The following EPN2 variants were observed in gnomAD, a reference collection of about 807,000 sequenced individuals.
EPN2 encodes the protein epsin-2.
A neutral mutation model predicts 61.7 loss-of-function variants in EPN2; 34 were observed. The ratio of observed to expected loss-of-function variants is 0.55; its 90% CI spans 0.42 to 0.73. EPN2 has a LOEUF of 0.73. Among genes scored for constraint, EPN2 ranks in the 30% least tolerant of loss-of-function variants. The probability of loss-of-function intolerance (pLI) is 0.00; values close to 1 mark genes in which losing one functional copy is unlikely to be tolerated. For missense variants in EPN2, 714 were observed against 839.2 expected (o/e 0.85, Z 1.84); for synonymous variants, 349 against 353.6 (o/e 0.99, Z 0.15).
At chr17:19,265,428 G>A (rs2045186163) in intron 1 of EPN2, among the ~76,000 whole-genome samples, 1 of 151,394 alleles carries the variant, frequency 6.6e-6, no homozygotes, top group Non-Finnish European at 1.5e-5. Flanking sequence ...CTCACACAAA[G>A]GTGTCTGAAC....
At chr17:19,275,543 A>T (rs761185166) in intron 1 of EPN2, among the ~76,000 whole-genome samples, 1 of 152,130 alleles carries the variant, frequency 6.6e-6, no homozygotes, top group Non-Finnish European at 1.5e-5. Flanking sequence ...GTTTCCCAGA[A>T]GTTTTAGGAA....
intron 1 of EPN2, among the ~76,000 whole-genome samples, chr17:19,238,122 G>GC (rs1375184366): frequency 2.0e-5 from 3 of 152,158 alleles, no homozygotes; most frequent in Non-Finnish European, 4.4e-5. Context: ...CCACTCCCCA[G>GC]CCCCCACTCC....
Position 19,334,355 on chromosome 17 carries a change from T to C in EPN2, c.*101T>C, listed in dbSNP as rs2152242184. On this transcript the variant is annotated 3_prime_UTR_variant, in exon 11 of 11. Transcript: ENST00000314728. The surrounding 1 kb of genome is among the most constrained non-coding windows in gnomAD (Gnocchi z 4.9). ...TCCAAGAGTTTGGGGATTAGGGGTA[T>C]TAGGGCTTTTCAGCTCCAGCTTCCT... is the stretch of plus-strand genomic sequence containing the variant. 2.0e-6 allele frequency: 2 copies of C among 993,424 alleles called. No individual in the cohort carries two copies. The highest frequency in any genetic ancestry group is 6.3e-5 in the East Asian group (2 of 31,806). 61.5% of individuals were successfully genotyped at this position (993,424 alleles called of 1,614,324 possible).
At chr17:19,295,376 G>GCGCGCGCGCA (rs1235173958) in intron 4 of EPN2, among the ~76,000 whole-genome samples, 1 of 151,236 alleles carries the variant, frequency 6.6e-6, no homozygotes, top group African/African-American at 2.4e-5. Context: ...ACGCGCGTGC[G>GCGCGCGCGCA]CGCAAAATAG....
chr17:19,281,626 G>T (rs528552056), intron 1 of EPN2, among the ~76,000 whole-genome samples: 1 of 152,116 alleles, frequency 6.6e-6, no homozygotes, highest in African/African-American at 2.4e-5. Context: ...AAAGGGAGGC[G>T]CAGGTTCTGG....
chr17:19,322,939 T>A (rs1034809069), intron 7 of EPN2, among the ~76,000 whole-genome samples: 2 of 152,262 alleles, frequency 1.3e-5, no homozygotes, highest in African/African-American at 2.4e-5. Context: ...AGAGAAGCAT[T>A]TGTAGAATTC....
At chr17:19,303,245 C>T (rs1905624590) in intron 4 of EPN2, among the ~76,000 whole-genome samples, 1 of 152,226 alleles carries the variant, frequency 6.6e-6, no homozygotes, top group African/African-American at 2.4e-5. Context: ...GTCACACACA[C>T]AGTCACACAC....
chr17:19,237,948 C>T (rs1017272644), intron 1 of EPN2, among the ~76,000 whole-genome samples: 7 of 152,228 alleles, frequency 4.6e-5, no homozygotes, highest in Non-Finnish European at 7.3e-5. Flanking sequence ...GCGCCCCTTC[C>T]TCCTGAGCCC....
intron 1 of EPN2, among the ~76,000 whole-genome samples, chr17:19,245,419 C>CTT (rs57599278): frequency 1.5e-5 from 2 of 134,442 alleles, no homozygotes; most frequent in Non-Finnish European, 1.6e-5. Context: ...ATTTGGTAGT[C>CTT]TTTTTTTTTT....
At chr17:19,266,495 C>T (rs1456035898) in intron 1 of EPN2, among the ~76,000 whole-genome samples, 6 of 151,984 alleles carry the variant, frequency 3.9e-5, no homozygotes, top group Admixed American at 2.0e-4. Context: ...CTCCGCCTCC[C>T]GGGTTCGTGC....
At chr17:19,300,425 A>ATTTT (rs1905426164) in intron 4 of EPN2, among the ~76,000 whole-genome samples, 1 of 70,008 alleles carries the variant, frequency 1.4e-5, no homozygotes, top group South Asian at 4.7e-4. Context: ...TAAACTGTAA[A>ATTTT]TCTTTTTTTT....
intron 1 of EPN2, among the ~76,000 whole-genome samples, chr17:19,254,796 A>G (rs555582303): frequency 6.6e-6 from 1 of 151,972 alleles, no homozygotes; most frequent in Non-Finnish European, 1.5e-5. Flanking sequence ...ACAGGGACAG[A>G]CTTCTGTTTT....
rs749010961 is a variant in EPN2 at position 19,285,707 on chromosome 17, C to T, written c.683C>T (p.Pro228Leu). ...EELQPLSQRH[P>L]FLPHLGLASR... ...CTGCAGCCACTGAGCCAGCGCCACC[C>T]CTTCCTGCCGCACCTGGGGCTGGCC... Residue 228 changes from proline (P) to leucine (L), a missense_variant, in exon 4 of 11, where the codon CCC becomes CTC. Transcript: ENST00000314728. This position sits in a 1 kb window ranked among gnomAD's most constrained non-coding sequence, Gnocchi z 4.5. 6.2e-7 allele frequency: 1 copy of T among 1,602,262 alleles called. No individual in the cohort carries two copies. Among genetic ancestry groups the T allele is most frequent in the Non-Finnish European group, 8.5e-7 (1 of 1,175,748 alleles).
rs1379528612 is a variant in EPN2, at chr17:19,331,947, C to A, written c.1506C>A (p.Pro502=). The change falls in exon 10 of 11, where the codon CCC becomes CCA. Residue 502 remains proline, a synonymous_variant. Coordinates refer to ENST00000314728, the MANE Select transcript of EPN2 (RefSeq NM_014964.5). ...CCCTGACTGTCGCCTCAAGCAAGCCCAGCAGTGCCCGGAAAACACCTGAGT... is the reference window on the plus strand; with the variant it reads ...CCCTGACTGTCGCCTCAAGCAAGCCAAGCAGTGCCCGGAAAACACCTGAGT... ...SQPLTVASSK[P]SSARKTPESF... is the part of the protein sequence containing the mutation. 5 of 1,614,218 alleles carry A rather than the reference C, an allele frequency of 3.1e-6. No homozygotes were observed. The East Asian group carries it at 6.7e-5, about 22-fold the overall frequency.
chr17:19,264,465 T>TA (rs1372339857), intron 1 of EPN2, among the ~76,000 whole-genome samples: 1 of 152,166 alleles, frequency 6.6e-6, no homozygotes, highest in African/African-American at 2.4e-5. Flanking sequence ...AGTGCAGCCT[T>TA]ATTTCCTACA....
intron 4 of EPN2, among the ~76,000 whole-genome samples, chr17:19,302,021 C>T (rs181552205): frequency 5.3e-5 from 8 of 152,326 alleles, no homozygotes; most frequent in East Asian, 1.9e-4. Flanking sequence ...GGCTGTGAGC[C>T]GCAGCCATTT....
intron 4 of EPN2, among the ~76,000 whole-genome samples, chr17:19,298,466 G>C (rs1174210286): frequency 6.6e-6 from 1 of 152,200 alleles, no homozygotes; most frequent in East Asian, 1.9e-4. Context: ...GCTTCCCAAA[G>C]TGTTGGAATT....
chr17:19,245,381 A>G lies in EPN2; in HGVS notation c.-294+7850A>G, dbSNP rs118048700. On this transcript the variant is annotated intron_variant, in intron 1 of 10. Coordinates refer to ENST00000314728, the MANE Select transcript of EPN2 (RefSeq NM_014964.5). ...GGACTGAAAACCCTCTACTAATGCTACTTTGTTAAAAGGGGGTCAAATATG... is the reference window on the plus strand; with the variant it reads ...GGACTGAAAACCCTCTACTAATGCTGCTTTGTTAAAAGGGGGTCAAATATG... 2.9e-4 allele frequency among the ~76,000 whole-genome samples: 44 copies of G among 150,090 alleles called. No homozygotes were observed. In the East Asian group the frequency reaches 8.4e-3, roughly 29 times the overall value.
At chr17:19,311,127 T>C (rs566637082) in intron 5 of EPN2, among the ~76,000 whole-genome samples, 1 of 152,262 alleles carries the variant, frequency 6.6e-6, no homozygotes, top group East Asian at 1.9e-4. Context: ...CCCGGCATTG[T>C]TTGTGTGTCT....
Sources: allele counts gnomAD v4.1 joint callset (sites outside exome capture counted in the v4.1 genomes callset), GRCh38; gene constraint gnomAD v4.1.1; non-coding constraint Gnocchi (gnomAD v3.1); transcripts MANE v1.5; gene names NCBI Gene and HGNC (gene_info 2026-07-23, HGNC 2026-07-21).